The following CD4 variants were observed in gnomAD, a reference collection of about 807,000 sequenced individuals.
The protein encoded by CD4 is T-cell surface glycoprotein CD4.
In CD4, 25 loss-of-function variants were observed where a neutral mutation model predicts 50.5. The ratio of observed to expected loss-of-function variants is 0.49; its 90% CI spans 0.36 to 0.69. The LOEUF (loss-of-function observed/expected upper bound fraction) is 0.69. Among genes scored for constraint, CD4 ranks in the 30% least tolerant of loss-of-function variants. CD4 has a pLI of 0.00. For missense variants in CD4, 456 were observed against 548.5 expected, an observed-to-expected ratio of 0.83 and a Z score of 1.68; for synonymous variants, 207 against 221.9, an observed-to-expected ratio of 0.93 and a Z score of 0.60.
At chr12:6,791,916 G>A (rs2707213) in intron 1 of CD4, among the ~76,000 whole-genome samples, 122,048 of 151,914 alleles carry the variant, frequency 0.8, 49,504 homozygotes, top group African/African-American at 0.91. Flanking sequence ...TCAGAAGTAG[G>A]TGGGCAGGGG....
chr12:6,813,195 C>T (rs1435500060), intron 3 of CD4, among the ~76,000 whole-genome samples: 1 of 151,596 alleles, frequency 6.6e-6, no homozygotes, highest in Non-Finnish European at 1.5e-5. Context: ...CCACCTCAGC[C>T]TCCCAAGGCG....
intron 5 of CD4, chr12:6,815,671 T>C: frequency 8.0e-7 from 1 of 1,246,602 alleles, no homozygotes; most frequent in Non-Finnish European, 1.1e-6. Flanking sequence ...CGTAAGGCAC[T>C]GAAAATGGTG....
Position 6,814,296 on chromosome 12 carries a change from C to A in CD4, c.369C>A (p.Phe123Leu), listed in dbSNP as rs11064416. 9.3e-6 allele frequency: 15 copies of A among 1,613,462 alleles called. No individual in the cohort carries two copies. In the Admixed American group the frequency reaches 2.2e-4, roughly 23 times the overall value. Reference sequence around the variant, plus strand: ...AGGAGGAGGTGCAATTGCTAGTGTTCGGATGTGAGTGGGGCAGGTGGGGAT... The same window carrying A: ...AGGAGGAGGTGCAATTGCTAGTGTTAGGATGTGAGTGGGGCAGGTGGGGAT... ...DQKEEVQLLVFGLTANSDTHL... is the reference protein window; with the variant it reads ...DQKEEVQLLVLGLTANSDTHL... Residue 123 changes from phenylalanine to leucine, a missense_variant, in exon 4 of 10, where the codon TTC becomes TTA. Coordinates refer to ENST00000011653, the MANE Select transcript of CD4 (RefSeq NM_000616.5).
rs975169637 is a variant in CD4 at position 6,792,656 on chromosome 12, C to T, written c.-68+2994C>T. On this transcript the variant is annotated intron_variant, in intron 1 of 9. Transcript: ENST00000011653. This position sits in a 1 kb window ranked among gnomAD's most constrained non-coding sequence, Gnocchi z 4.1. ...CCTCACATCCACCCTGGGCTGCAGG[C>T]GTGCTCGGCAGGCTCCCCACAGATC... 6.6e-6 allele frequency among the ~76,000 whole-genome samples: 1 copy of T among 152,196 alleles called. No individual in the cohort carries two copies. The highest frequency in any genetic ancestry group is 2.4e-5 in the African/African-American group (1 of 41,444).
chr12:6,811,790 C>T (rs1479702700), intron 3 of CD4, among the ~76,000 whole-genome samples: 3 of 151,374 alleles, frequency 2.0e-5, no homozygotes, highest in Non-Finnish European at 2.9e-5. Flanking sequence ...GGATTTCAGG[C>T]GTGAGCCACC....
Position 6,792,181 on chromosome 12 carries a change from G to A in CD4, c.-68+2519G>A, listed in dbSNP as rs1479122860. Among the ~76,000 whole-genome samples, 1 of 152,056 alleles carries A rather than the reference G, an allele frequency of 6.6e-6. No homozygotes were observed. The highest frequency in any genetic ancestry group is 6.5e-5 in the Admixed American group (1 of 15,272). On this transcript the variant is annotated intron_variant, in intron 1 of 9. Coordinates refer to ENST00000011653, the MANE Select transcript of CD4 (RefSeq NM_000616.5). The surrounding 1 kb of genome is among the most constrained non-coding windows in gnomAD (Gnocchi z 4.1). ...CTGGGCTTGAGTGGGCTGCTTGGGGGTTATGGGGAGAAGATAAAAGTGCCT... is the reference window on the plus strand; with the variant it reads ...CTGGGCTTGAGTGGGCTGCTTGGGGATTATGGGGAGAAGATAAAAGTGCCT...
chr12:6,814,911 C>G lies in CD4; in HGVS notation c.526C>G (p.Leu176Val), dbSNP rs1555117657. The G allele has an allele frequency of 1.2e-6, 2 of 1,613,580 alleles. No individual in the cohort carries two copies. The highest frequency in any genetic ancestry group is 1.7e-6 in the Non-Finnish European group (2 of 1,179,668). The change falls in exon 5 of 10, where the codon CTC becomes GTC. Residue 176 changes from leucine to valine, a missense_variant. Physicochemically the swap from Leu to Val is conservative, Grantham distance 32. Transcript: ENST00000011653. ...GKTLSVSQLE[L>V]QDSGTWTCTV... ...GACCCTCTCCGTGTCTCAGCTGGAG[C>G]TCCAGGATAGTGGCACCTGGACATG...
chr12:6,819,009 A>C, intron 9 of CD4, 95 bp downstream of exon 9: 15 of 691,328 alleles, frequency 2.2e-5, no homozygotes, highest in East Asian at 7.8e-5. Context: ...GGGGGCAGGA[A>C]GGGAGGATGG....
At chr12:6,809,053 C>T (rs979920154) in intron 3 of CD4, among the ~76,000 whole-genome samples, 33 of 152,208 alleles carry the variant, frequency 2.2e-4, no homozygotes, top group African/African-American at 7.2e-4. Context: ...TCCTTCAGAA[C>T]AGCTCCCCTT....
In CD4 at chr12:6,792,154, G is replaced by A. The variant is rs1002700116; in HGVS notation, c.-68+2492G>A. 1.3e-4 allele frequency among the ~76,000 whole-genome samples: 20 copies of A among 152,220 alleles called. No individual in the cohort carries two copies. The highest frequency in any genetic ancestry group is 4.3e-4 in the African/African-American group (18 of 41,520). ...GTGAACGCGGTGGGGCACATCCCGC[G>A]GCTGGGCTTGAGTGGGCTGCTTGGG... is the stretch of plus-strand genomic sequence containing the variant. On this transcript the variant is annotated intron_variant, in intron 1 of 9. Coordinates refer to ENST00000011653, the MANE Select transcript of CD4 (RefSeq NM_000616.5). The surrounding 1 kb of genome is among the most constrained non-coding windows in gnomAD (Gnocchi z 4.1).
chr12:6,817,473 TGGAG>T, intron 7 of CD4, 143 bp downstream of exon 7: 1 of 690,806 alleles, frequency 1.4e-6, no homozygotes, highest in Non-Finnish European at 2.4e-6. Context: ...CAGGGTGCTT[TGGAG>T]GCCCCAAAAG....
intron 4 of CD4, 47 bp downstream of exon 4, chr12:6,814,347 T>G: frequency 2.5e-6 from 4 of 1,570,960 alleles, no homozygotes; most frequent in Non-Finnish European, 3.5e-6. Context: ...CTGGTTCCCT[T>G]CCCCACTACT....
intron 3 of CD4, 23 bp from the exon 4 acceptor site, chr12:6,814,119 C>A (rs782080125): frequency 6.2e-7 from 1 of 1,610,294 alleles, no homozygotes; most frequent in Non-Finnish European, 8.5e-7. Flanking sequence ...CTCAGTCCCC[C>A]CCCATATGTC....
chr12:6,820,482 A>C lies in CD4; in HGVS notation c.*1153A>C, dbSNP rs1395315742. 6.6e-6 allele frequency: 1 copy of C among 152,308 alleles called. No homozygotes were observed. The highest frequency in any genetic ancestry group is 2.4e-5 in the African/African-American group (1 of 41,450). The allele number at this position is 152,308 out of a possible 1,614,324, so 9.4% of individuals were successfully genotyped here. A position where few individuals can be genotyped will look rare whatever the true frequency, so the allele number is the denominator to read the frequency against. On this transcript the variant is annotated 3_prime_UTR_variant, in exon 10 of 10. Transcript: ENST00000011653. Reference sequence around the variant, plus strand: ...GAGAGGGAACCCTCTAAGGGACCTCAAAGGTGATTGTGCCAGGCTCTGCGC... The same window carrying C: ...GAGAGGGAACCCTCTAAGGGACCTCCAAGGTGATTGTGCCAGGCTCTGCGC...
rs1270557409 is a variant in CD4, at chr12:6,816,860, C to T, written c.956-270C>T. On this transcript the variant is annotated intron_variant, in intron 6 of 9. Transcript: ENST00000011653. The surrounding 1 kb of genome is among the most constrained non-coding windows in gnomAD (Gnocchi z 4.9). ...CTAACACTTGATGCTCAGCACGTGT[C>T]GGGCCCCATCCAAACACTTTACATG... is the stretch of plus-strand genomic sequence containing the variant. Among the ~76,000 whole-genome samples, 1 of 152,166 alleles carries T rather than the reference C, an allele frequency of 6.6e-6. No homozygotes were observed. The highest frequency in any genetic ancestry group is 1.5e-5 in the Non-Finnish European group (1 of 68,030).
rs1362813662 is a variant in CD4 at position 6,816,960 on chromosome 12, G to A, written c.956-170G>A. Reference sequence around the variant, plus strand: ...CAGAGACACACAGCTGCTAAGCAGTGGAGCTGGGATTCAAATCCAATACCA... The same window carrying A: ...CAGAGACACACAGCTGCTAAGCAGTAGAGCTGGGATTCAAATCCAATACCA... On this transcript the variant is annotated intron_variant, in intron 6 of 9. Coordinates refer to ENST00000011653, the MANE Select transcript of CD4 (RefSeq NM_000616.5). The surrounding 1 kb of genome is among the most constrained non-coding windows in gnomAD (Gnocchi z 4.9). Among the ~76,000 whole-genome samples, 18 of 152,328 alleles carry A rather than the reference G, an allele frequency of 1.2e-4. No individual in the cohort carries two copies. Among genetic ancestry groups the A allele is most frequent in the African/African-American group, 3.4e-4 (14 of 41,564 alleles).
At chr12:6,799,188 C>T (rs1942463566) in intron 1 of CD4, 1 of 152,180 alleles carries the variant, frequency 6.6e-6, no homozygotes, top group Non-Finnish European at 1.5e-5. Flanking sequence ...ATGACACACA[C>T]AAATAGCAAA....
rs1591544172 is a variant in CD4, at chr12:6,796,996, T to C, written c.-67-3076T>C. On this transcript the variant is annotated intron_variant, in intron 1 of 9. Transcript: ENST00000011653. Reference sequence around the variant, plus strand: ...GAATGGGGACACCTCTCCCCTTTCCTCTCCATCTAACTTATGGTTTTCAAA... The same window carrying C: ...GAATGGGGACACCTCTCCCCTTTCCCCTCCATCTAACTTATGGTTTTCAAA... Among the ~76,000 whole-genome samples, 5 of 152,236 alleles carry C rather than the reference T, an allele frequency of 3.3e-5. No individual in the cohort carries two copies. In the East Asian group the frequency reaches 9.7e-4, roughly 29 times the overall value.
chr12:6,817,391 A>G, intron 7 of CD4, 61 bp downstream of exon 7: 6 of 1,419,608 alleles, frequency 4.2e-6, no homozygotes, highest in Non-Finnish European at 5.8e-6. Context: ...TGTGGTTGGC[A>G]GAGACCACCC....
Sources: allele counts gnomAD v4.1 joint callset (sites outside exome capture counted in the v4.1 genomes callset), GRCh38; gene constraint gnomAD v4.1.1; non-coding constraint Gnocchi (gnomAD v3.1); transcripts MANE v1.5; gene names NCBI Gene and HGNC (gene_info 2026-07-23, HGNC 2026-07-21).